ROBO2: variants seen among roughly 807,000 people sequenced by gnomAD.
The protein encoded by ROBO2 is roundabout guidance receptor 2.
A neutral mutation model predicts 160.8 loss-of-function variants in ROBO2; 53 were observed. The ratio of observed to expected loss-of-function variants is 0.33; its 90% confidence interval spans 0.26 to 0.41. The LOEUF is 0.41. ROBO2 is among the 10% of genes least tolerant of loss of function. The pLI is 1.00. For missense variants in ROBO2, 1,577 were observed against 1,722.4 expected (o/e 0.92, Z 1.49); for synonymous variants, 664 against 611.7 (o/e 1.09, Z -1.26).
intron 2 of ROBO2, among the ~76,000 whole-genome samples, chr3:76,907,060 A>G (rs1386100145): frequency 6.6e-6 from 1 of 152,126 alleles, no homozygotes; most frequent in East Asian, 1.9e-4. Context: ...TGTTTTGTTA[A>G]TTACTCTATC....
intron 2 of ROBO2, among the ~76,000 whole-genome samples, chr3:76,425,528 G>C (rs866764221): frequency 1.3e-5 from 2 of 150,174 alleles, no homozygotes; most frequent in East Asian, 2.0e-4. Context: ...GTGTGTGTCT[G>C]TGTGTGTGTG....
intron 2 of ROBO2, among the ~76,000 whole-genome samples, chr3:76,393,387 T>A (rs1003240200): frequency 6.6e-6 from 1 of 152,140 alleles, no homozygotes; most frequent in Non-Finnish European, 1.5e-5. Context: ...AAATAAAATT[T>A]CATTGTAGAA....
At chr3:75,991,544 A>G (rs2065571546) in intron 2 of ROBO2, among the ~76,000 whole-genome samples, 1 of 152,164 alleles carries the variant, frequency 6.6e-6, no homozygotes, top group South Asian at 2.1e-4. Flanking sequence ...GGCATGTGGA[A>G]CAGTAAGTCC....
In ROBO2 at chr3:77,293,950, T is replaced by C. The variant is rs1463217879; in HGVS notation, c.389-183464T>C. ...AAAGTAAAATTGATGGTTAAACGGG[T>C]AAGCTGAGGCTAGATCACCCCAGAC... On this transcript the variant is annotated intron_variant, in intron 2 of 25. Coordinates refer to ENST00000461745, the Ensembl canonical transcript of ROBO2. Among the ~76,000 whole-genome samples, 22 of 141,242 alleles carry C rather than the reference T, an allele frequency of 1.6e-4. 3 individuals carry two copies. The highest frequency in any genetic ancestry group is 6.1e-4 in the African/African-American group (22 of 35,966). The allele number at this position is 141,242 out of a possible 152,430, so 92.7% of individuals were successfully genotyped here. A position where few individuals can be genotyped will look rare whatever the true frequency, so the allele number is the denominator to read the frequency against.
At chr3:77,530,296 C>A (rs998447337) in intron 6 of ROBO2, among the ~76,000 whole-genome samples, 3 of 151,970 alleles carry the variant, frequency 2.0e-5, no homozygotes, top group African/African-American at 4.8e-5. Flanking sequence ...ATTGCAGATT[C>A]TGGAATACTT....
At chr3:76,056,359 AATAT>A (rs1457873310) in intron 2 of ROBO2, among the ~76,000 whole-genome samples, 1 of 152,162 alleles carries the variant, frequency 6.6e-6, no homozygotes, top group Non-Finnish European at 1.5e-5. Flanking sequence ...TAGCCCATAG[AATAT>A]AGTTCTAATA....
chr3:77,133,678 T>G (rs1185010127), intron 2 of ROBO2, among the ~76,000 whole-genome samples: 1 of 148,814 alleles, frequency 6.7e-6, no homozygotes, highest in Non-Finnish European at 1.5e-5. Context: ...GTAATTTTGC[T>G]TGGTATTTTA....
intron 2 of ROBO2, among the ~76,000 whole-genome samples, chr3:76,188,374 C>T (rs1036899570): frequency 3.9e-5 from 6 of 152,030 alleles, no homozygotes; most frequent in South Asian, 2.1e-4. Flanking sequence ...TAAAGACTTA[C>T]ACAAAGGAGA....
intron 2 of ROBO2, among the ~76,000 whole-genome samples, chr3:77,438,659 A>G (rs1424109367): frequency 2.6e-5 from 4 of 151,998 alleles, no homozygotes; most frequent in Non-Finnish European, 5.9e-5. Context: ...AGCATATTAT[A>G]TATGTGCTTA....
chr3:77,363,604 GC>G (rs926303237), intron 2 of ROBO2, among the ~76,000 whole-genome samples: 1 of 152,134 alleles, frequency 6.6e-6, no homozygotes, highest in African/African-American at 2.4e-5. Flanking sequence ...GTCTAGAAAT[GC>G]GACTGGACAA....
At chr3:77,259,423 C>A (rs761164600) in intron 2 of ROBO2, among the ~76,000 whole-genome samples, 2 of 151,930 alleles carry the variant, frequency 1.3e-5, no homozygotes, top group Non-Finnish European at 1.5e-5. Context: ...TTGAATGAAT[C>A]AGTGAATAAA....
chr3:77,080,289 G>A (rs553412298), intron 1 of ROBO2, among the ~76,000 whole-genome samples: 3 of 152,262 alleles, frequency 2.0e-5, no homozygotes, highest in East Asian at 1.9e-4. Flanking sequence ...GAAGACAATC[G>A]CAGAGGCATC....
chr3:77,033,588 A>G (rs923253264), intron 2 of ROBO2, among the ~76,000 whole-genome samples: 2 of 152,164 alleles, frequency 1.3e-5, no homozygotes, highest in Non-Finnish European at 2.9e-5. Flanking sequence ...CAACAACAAC[A>G]ATAAGGAAAC....
At chr3:76,212,393 C>A (rs6783732) in intron 2 of ROBO2, among the ~76,000 whole-genome samples, 4 of 151,244 alleles carry the variant, frequency 2.6e-5, no homozygotes, top group Admixed American at 6.6e-5. Flanking sequence ...GGACAGGGCC[C>A]GAGATAATGT....
intron 2 of ROBO2, among the ~76,000 whole-genome samples, chr3:77,196,928 T>A (rs555901107): frequency 4.7e-4 from 71 of 151,556 alleles, no homozygotes; most frequent in African/African-American, 1.6e-3. Context: ...ATGAGAACAA[T>A]TTGGCTTAAT....
intron 2 of ROBO2, among the ~76,000 whole-genome samples, chr3:76,723,101 A>G (rs1005242581): frequency 2.0e-4 from 31 of 152,302 alleles, no homozygotes; most frequent in African/African-American, 7.5e-4. Flanking sequence ...TGTGTTTCAT[A>G]CATTATTCCT....
At chr3:76,935,856 G>A (rs887267210) in intron 2 of ROBO2, among the ~76,000 whole-genome samples, 11 of 152,124 alleles carry the variant, frequency 7.2e-5, no homozygotes, top group African/African-American at 2.7e-4. Flanking sequence ...TTTAATATGA[G>A]CACTAATCCC....
At chr3:77,293,402 T>G (rs575603626) in intron 2 of ROBO2, among the ~76,000 whole-genome samples, 1 of 146,976 alleles carries the variant, frequency 6.8e-6, no homozygotes, top group Non-Finnish European at 1.5e-5. Context: ...AGACATAAAG[T>G]AAAATTGATG....
intron 2 of ROBO2, among the ~76,000 whole-genome samples, chr3:76,271,583 T>C (rs1707434683): frequency 6.6e-6 from 1 of 151,150 alleles, no homozygotes. Flanking sequence ...ATAAACTAAT[T>C]TATATTAACT....
Sources: allele counts gnomAD v4.1 joint callset (sites outside exome capture counted in the v4.1 genomes callset), GRCh38; gene constraint gnomAD v4.1.1; transcripts MANE v1.5; gene names NCBI Gene and HGNC (gene_info 2026-07-23, HGNC 2026-07-21).